ABCC4: variants seen among roughly 807,000 people sequenced by gnomAD.
ABCC4 encodes the protein ATP-binding cassette sub-family C member 4.
ABCC4 carries 102 observed loss-of-function variants against 168.5 expected under a neutral mutation model. The observed-to-expected ratio is 0.61, with a 90% confidence interval of 0.52 to 0.71. The LOEUF (loss-of-function observed/expected upper bound fraction) is 0.71. Among genes scored for constraint, ABCC4 ranks in the 30% least tolerant of loss-of-function variants. The probability of loss-of-function intolerance (pLI) is 0.00; values close to 1 mark genes in which losing one functional copy is unlikely to be tolerated. For missense variants in ABCC4, 1,402 were observed against 1,605.8 expected (o/e 0.87, Z 2.17); for synonymous variants, 617 against 590.7 (o/e 1.04, Z -0.65).
intron 27 of ABCC4, among the ~76,000 whole-genome samples, chr13:95,047,734 C>T (rs186612534): frequency 3.0e-3 from 463 of 152,238 alleles, no homozygotes; most frequent in African/African-American, 0.011. Context: ...CCACCCGCCT[C>T]GGCCTCCCAA....
chr13:95,267,177 T>C (rs1287966326), intron 1 of ABCC4, among the ~76,000 whole-genome samples: 2 of 152,082 alleles, frequency 1.3e-5, no homozygotes, highest in Non-Finnish European at 2.9e-5. Context: ...CCATTGCGCC[T>C]GGCCATCAAA....
At chr13:95,021,936 T>C (rs2031109989) in intron 30 of ABCC4, among the ~76,000 whole-genome samples, 1 of 152,222 alleles carries the variant, frequency 6.6e-6, no homozygotes, top group Non-Finnish European at 1.5e-5. Flanking sequence ...TAGATATGTT[T>C]TATCTCTGTA....
intron 19 of ABCC4, among the ~76,000 whole-genome samples, chr13:95,116,890 C>T (rs141268157): frequency 4.1e-4 from 62 of 152,238 alleles, no homozygotes; most frequent in African/African-American, 1.3e-3. Flanking sequence ...TCAACGCTTC[C>T]GGAAGCCCTG....
intron 3 of ABCC4, among the ~76,000 whole-genome samples, chr13:95,240,067 A>AT (rs1465197950): frequency 2.6e-5 from 4 of 152,184 alleles, no homozygotes; most frequent in Admixed American, 1.3e-4. Flanking sequence ...GGGGGAAAAT[A>AT]AAACCTGAAT....
intron 1 of ABCC4, 47 bp from the exon 2 acceptor site, chr13:95,247,800 G>A (rs749403645): frequency 1.3e-6 from 2 of 1,489,620 alleles, no homozygotes; most frequent in East Asian, 4.5e-5. Context: ...ACACATCCGT[G>A]TTTAAGTAGA....
At chr13:95,065,005 CTT>C (rs1175952752) in intron 25 of ABCC4, among the ~76,000 whole-genome samples, 1 of 152,178 alleles carries the variant, frequency 6.6e-6, no homozygotes, top group Non-Finnish European at 1.5e-5. Context: ...AGAGTGGTCT[CTT>C]TGGCCAAACA....
intron 4 of ABCC4, among the ~76,000 whole-genome samples, chr13:95,220,120 C>T (rs932583369): frequency 1.3e-5 from 2 of 151,954 alleles, no homozygotes; most frequent in Admixed American, 1.3e-4. Context: ...CCTGCCTTGG[C>T]CTTGCAAAGT....
At chr13:95,064,535 G>A (rs2033455157) in intron 25 of ABCC4, among the ~76,000 whole-genome samples, 3 of 149,940 alleles carry the variant, frequency 2.0e-5, no homozygotes, top group South Asian at 2.1e-4. Context: ...GTGTGTGTGG[G>A]GCTTATGTGT....
rs1175743891 is a variant in ABCC4 at position 95,247,764 on chromosome 13, G to A, written c.75-11C>T. The stretch of plus-strand genomic sequence containing the variant: ...AAGGGATTGAGCCACCTGTTAACAA[G>A]AGAAAAGAGACATATATCCAGAATT... On this transcript the variant is annotated splice_polypyrimidine_tract_variant and intron_variant, in intron 1 of 30. Coordinates refer to ENST00000645237, the MANE Select transcript of ABCC4 (RefSeq NM_005845.5). The A allele has an allele frequency of 2.5e-6, 4 of 1,598,360 alleles. No homozygotes were observed. The African/African-American group carries it at 5.4e-5, about 21-fold the overall frequency.
intron 3 of ABCC4, among the ~76,000 whole-genome samples, chr13:95,243,357 T>C (rs746647994): frequency 2.0e-5 from 3 of 151,984 alleles, no homozygotes; most frequent in Non-Finnish European, 4.4e-5. Flanking sequence ...AGAGATATCA[T>C]TGCTATGCAA....
chr13:95,130,088 A>G (rs897445578), intron 19 of ABCC4, among the ~76,000 whole-genome samples: 11 of 152,058 alleles, frequency 7.2e-5, no homozygotes, highest in East Asian at 1.9e-4. Flanking sequence ...AAAAAAAAAA[A>G]AAAGAAAAGA....
rs2038144402 is a variant in ABCC4 at position 95,188,538 on chromosome 13, G to A, written c.1268C>T (p.Ser423Leu). ...AAGGCCTTGTAGAGTTGGGGTCTCT[G>A]ATGCCTACAAATTAAAGTTTATAAA... is the stretch of plus-strand genomic sequence containing the variant. ...QDFTAFWDKASETPTLQGLSF... is the reference protein window; with the variant it reads ...QDFTAFWDKALETPTLQGLSF... Residue 423 changes from serine (S) to leucine (L), a missense_variant, in exon 10 of 31, where the codon TCA (serine) becomes TTA (leucine). By Grantham distance (145) the Ser-to-Leu change is moderately radical. Transcript: ENST00000645237. The A allele has an allele frequency of 6.2e-7, 1 of 1,606,772 alleles. No homozygotes were observed. Among genetic ancestry groups the A allele is most frequent in the Non-Finnish European group, 8.5e-7 (1 of 1,175,116 alleles).
chr13:95,290,146 AGAT>A (rs764304554), intron 1 of ABCC4, among the ~76,000 whole-genome samples: 1 of 149,830 alleles, frequency 6.7e-6, no homozygotes, highest in Non-Finnish European at 1.5e-5. Context: ...ATAGATAGAT[AGAT>A]GATAGATAGA....
chr13:95,104,465 T>A (rs759640143), intron 20 of ABCC4, among the ~76,000 whole-genome samples: 1 of 152,298 alleles, frequency 6.6e-6, no homozygotes, highest in Non-Finnish European at 1.5e-5. Context: ...ACACACATAA[T>A]ACATCATCTA....
At chr13:95,110,814 A>G (rs1375130653) in intron 20 of ABCC4, among the ~76,000 whole-genome samples, 3 of 151,950 alleles carry the variant, frequency 2.0e-5, no homozygotes, top group Non-Finnish European at 4.4e-5. Flanking sequence ...CTAAAAATAC[A>G]AAACTTAGCT....
rs756450259 is a variant in ABCC4 at position 95,301,293 on chromosome 13, C to T, written c.22G>A (p.Val8Met). 2 of 1,596,136 alleles carry T rather than the reference C, an allele frequency of 1.3e-6. No individual in the cohort carries two copies. Among genetic ancestry groups the T allele is most frequent in the South Asian group, 1.1e-5 (1 of 88,610 alleles). The part of the protein sequence containing the change: MLPVYQE[V>M]KPNPLQDANL... ...GCGTCCTGCAGCGGGTTGGGCTTCA[C>T]CTCCTGGTACACGGGCAGCATCTTG... is the stretch of plus-strand genomic sequence containing the variant. Residue 8 changes from valine to methionine, a missense_variant, in exon 1 of 31, where the codon GTG becomes ATG. Val to Met is a conservative substitution (Grantham distance 21). Transcript: ENST00000645237.
chr13:95,256,864 G>A (rs1007195521), intron 1 of ABCC4, among the ~76,000 whole-genome samples: 2 of 152,150 alleles, frequency 1.3e-5, no homozygotes, highest in Non-Finnish European at 2.9e-5. Context: ...TCTCATAAGA[G>A]ATGACATAGT....
At chr13:95,227,563 CCA>C (rs1260094554) in intron 4 of ABCC4, among the ~76,000 whole-genome samples, 1 of 152,176 alleles carries the variant, frequency 6.6e-6, no homozygotes, top group African/African-American at 2.4e-5. Context: ...TCCACACACA[CCA>C]CACAGTTTCA....
chr13:95,275,290 C>A (rs1356265498), intron 1 of ABCC4, among the ~76,000 whole-genome samples: 1 of 152,122 alleles, frequency 6.6e-6, no homozygotes, highest in African/African-American at 2.4e-5. Flanking sequence ...AGTGGTGGAG[C>A]CTTGCTTTTT....
Sources: gnomAD v4.1 joint callset for allele counts (sites outside exome capture counted in the v4.1 genomes callset) on GRCh38, gnomAD v4.1.1 for gene constraint, MANE v1.5 for transcripts, NCBI Gene and HGNC (gene_info 2026-07-23, HGNC 2026-07-21) for gene names.